The following PDE7A variants were observed in gnomAD, a reference collection of about 807,000 sequenced individuals.
PDE7A encodes the protein phosphodiesterase 7A, also known as high affinity 3',5'-cyclic-AMP phosphodiesterase 7A.
In PDE7A, 39 loss-of-function variants were observed where a neutral mutation model predicts 64.3. The observed-to-expected ratio is 0.61, with a 90% CI of 0.47 to 0.79. PDE7A has a LOEUF of 0.79. Among genes scored for constraint, PDE7A ranks in the 30% least tolerant of loss-of-function variants. The pLI is 0.00. For synonymous variants in PDE7A, 203 were observed against 206.8 expected (o/e 0.98, Z 0.16); for missense variants, 470 against 582.8 (o/e 0.81, Z 1.99).
At chr8:65,778,499 A>G (rs1809320431) in intron 3 of PDE7A, among the ~76,000 whole-genome samples, 1 of 152,162 alleles carries the variant, frequency 6.6e-6, no homozygotes, top group Non-Finnish European at 1.5e-5. Context: ...AAAGACCAAG[A>G]CACTGTAGAG....
chr8:65,771,965 T>G (rs1293300484), intron 3 of PDE7A, among the ~76,000 whole-genome samples: 1 of 145,024 alleles, frequency 6.9e-6, no homozygotes, highest in East Asian at 2.1e-4. Flanking sequence ...GTTAGGAGAA[T>G]ACCAGAACAA....
chr8:65,740,059 C>T (rs543155238), intron 5 of PDE7A, among the ~76,000 whole-genome samples: 1 of 151,222 alleles, frequency 6.6e-6, no homozygotes, highest in East Asian at 2.0e-4. Context: ...TATTCTCATC[C>T]ATACAGGGTT....
At chr8:65,749,442 TA>T (rs1807832869) in intron 3 of PDE7A, among the ~76,000 whole-genome samples, 1 of 152,180 alleles carries the variant, frequency 6.6e-6, no homozygotes. Flanking sequence ...TGCAAGTATC[TA>T]AAACAATTAT....
chr8:65,789,209 G>C, intron 1 of PDE7A: 1 of 444,292 alleles, frequency 2.3e-6, no homozygotes, highest in Non-Finnish European at 3.7e-6. Context: ...AGAGGGGAGG[G>C]AAAAGACTTT....
At chr8:65,756,693 C>T (rs1808255057) in intron 3 of PDE7A, among the ~76,000 whole-genome samples, 1 of 152,118 alleles carries the variant, frequency 6.6e-6, no homozygotes, top group South Asian at 2.1e-4. Context: ...GTTCAGTAAA[C>T]ATTTAAGATA....
intron 1 of PDE7A, among the ~76,000 whole-genome samples, chr8:65,788,382 C>T (rs183927000): frequency 1.1e-4 from 16 of 152,192 alleles, no homozygotes; most frequent in Admixed American, 7.2e-4. Flanking sequence ...ACATTTATGT[C>T]ATTATATTAT....
At chr8:65,755,754 C>G (rs1455918161) in intron 3 of PDE7A, among the ~76,000 whole-genome samples, 4 of 152,132 alleles carry the variant, frequency 2.6e-5, no homozygotes, top group African/African-American at 9.7e-5. Flanking sequence ...TGTTAATACC[C>G]TTTTATGTCA....
chr8:65,837,317 C>T (rs574706080), intron 1 of PDE7A, among the ~76,000 whole-genome samples: 17 of 152,188 alleles, frequency 1.1e-4, no homozygotes, highest in Admixed American at 2.6e-4. Context: ...GTGTTACAAA[C>T]GATTAAAACA....
chr8:65,735,404 G>A (rs1807086698), intron 6 of PDE7A, among the ~76,000 whole-genome samples: 1 of 151,976 alleles, frequency 6.6e-6, no homozygotes. Context: ...GACCTCCTGG[G>A]CTCAAGTAAT....
intron 3 of PDE7A, among the ~76,000 whole-genome samples, chr8:65,773,987 C>T (rs1341870274): frequency 6.6e-6 from 1 of 152,198 alleles, no homozygotes; most frequent in East Asian, 1.9e-4. Context: ...TCCTTACCCA[C>T]AGCCAATCCT....
At chr8:65,801,562 C>T (rs80156564) in intron 1 of PDE7A, among the ~76,000 whole-genome samples, 3,927 of 151,394 alleles carry the variant, frequency 0.026, 195 homozygotes, top group African/African-American at 0.09. Flanking sequence ...CTCTTACTAA[C>T]GGAATACAAT....
intron 1 of PDE7A, among the ~76,000 whole-genome samples, chr8:65,801,624 C>A (rs1009017222): frequency 6.6e-6 from 1 of 151,794 alleles, no homozygotes; most frequent in African/African-American, 2.4e-5. Flanking sequence ...CAGCTTGAAT[C>A]AAAAATAAGT....
chr8:65,733,741 CATGAT>C (rs1381965258), intron 7 of PDE7A, among the ~76,000 whole-genome samples: 1 of 152,146 alleles, frequency 6.6e-6, no homozygotes, highest in Admixed American at 6.5e-5. Flanking sequence ...TTTTAAAAGT[CATGAT>C]ATATATACTA....
intron 1 of PDE7A, among the ~76,000 whole-genome samples, chr8:65,819,756 A>G (rs932707163): frequency 1.3e-5 from 2 of 152,214 alleles, no homozygotes; most frequent in Admixed American, 6.5e-5. Context: ...TTGTCTCCCA[A>G]AACATCTATT....
chr8:65,745,853 GTATT>G (rs1807648593), intron 4 of PDE7A, among the ~76,000 whole-genome samples: 1 of 152,126 alleles, frequency 6.6e-6, no homozygotes, highest in Admixed American at 6.5e-5. Context: ...ACACTACTGA[GTATT>G]TACTGTATTC....
chr8:65,726,038 AAC>A (rs1489402154), intron 9 of PDE7A, among the ~76,000 whole-genome samples: 2 of 152,232 alleles, frequency 1.3e-5, no homozygotes, highest in Non-Finnish European at 2.9e-5. Flanking sequence ...CATTACACAA[AAC>A]AGTTTTTTAT....
intron 5 of PDE7A, among the ~76,000 whole-genome samples, chr8:65,742,643 G>A (rs1807494626): frequency 6.6e-6 from 1 of 152,196 alleles, no homozygotes; most frequent in Non-Finnish European, 1.5e-5. Context: ...TTCAGGTGAA[G>A]CAGTTTTAAA....
At position 65,807,315 on chromosome 8, in the gene PDE7A, A is replaced by C. The variant is rs915491707; in HGVS notation, c.139-24472T>G. ...TGCTATTAAAAATTGAGTTGTTTCC[A>C]TTTCATTTTCAGGTTATTCACTTTA... On this transcript the variant is annotated intron_variant, in intron 1 of 12. Transcript: ENST00000401827. Among the ~76,000 whole-genome samples, 11 of 152,180 alleles carry C rather than the reference A, an allele frequency of 7.2e-5. No homozygotes were observed. The East Asian group carries it at 1.5e-3, about 21-fold the overall frequency.
intron 3 of PDE7A, chr8:65,771,113 G>C (rs1214898300): frequency 3.5e-6 from 1 of 287,984 alleles, no homozygotes; most frequent in Admixed American, 4.8e-5. Context: ...AAATGGTTGA[G>C]GTCCTTCTTT....
Sources: allele counts gnomAD v4.1 joint callset (sites outside exome capture counted in the v4.1 genomes callset), GRCh38; gene constraint gnomAD v4.1.1; transcripts MANE v1.5; gene names NCBI Gene and HGNC (gene_info 2026-07-23, HGNC 2026-07-21).